SMARCA4: variants seen among roughly 807,000 people sequenced by gnomAD.
SMARCA4 encodes SWI/SNF-related matrix-associated actin-dependent regulator of chromatin subfamily A member 4.
Under a neutral mutation model 193.9 loss-of-function variants are expected in SMARCA4, and 31 were observed. The observed-to-expected ratio is 0.16, with a 90% CI of 0.12 to 0.22. SMARCA4 has a LOEUF of 0.22. Among genes scored for constraint, SMARCA4 ranks in the 10% least tolerant of loss-of-function variants. The pLI is 1.00. For missense variants in SMARCA4, 1,148 were observed against 2,296.0 expected (o/e 0.50, Z 10.22); for synonymous variants, 942 against 933.1 (o/e 1.01, Z -0.17).
At chr19:11,051,464 C>T (rs929491829) in intron 30 of SMARCA4, among the ~76,000 whole-genome samples, 8 of 150,938 alleles carry the variant, frequency 5.3e-5, no homozygotes, top group African/African-American at 1.5e-4. Context: ...CGCAGTCGTC[C>T]GAGGGAACAC....
Position 11,058,704 on chromosome 19 carries a change from CG to C in SMARCA4, c.4534-83del. The stretch of plus-strand genomic sequence containing the variant: ...CTCATAGGCACGAGGAATCCTAGCC[CG>C]TGGGGTCTCCAGCACACAGCCAGGC... On this transcript the variant is annotated intron_variant, in intron 31 of 34. Transcript: ENST00000344626. This position sits in a 1 kb window ranked among gnomAD's most constrained non-coding sequence, Gnocchi z 5.8. The C allele has an allele frequency of 8.5e-7, 1 of 1,170,058 alleles. No individual in the cohort carries two copies. The highest frequency in any genetic ancestry group is 1.3e-6 in the Non-Finnish European group (1 of 781,720). The allele number at this position is 1,170,058 out of a possible 1,614,324, so 72.5% of individuals were successfully genotyped here.
chr19:11,023,429 C>T, intron 19 of SMARCA4, 89 bp from the exon 20 acceptor site: 1 of 852,336 alleles, frequency 1.2e-6, no homozygotes, highest in South Asian at 1.4e-5. Flanking sequence ...ACCCCGTCCA[C>T]CCTGTCCCCA....
chr19:11,009,467 T>C (rs1006703340), intron 14 of SMARCA4, among the ~76,000 whole-genome samples: 1 of 152,192 alleles, frequency 6.6e-6, no homozygotes, highest in Admixed American at 6.5e-5. Flanking sequence ...GGTTCTATGA[T>C]GATCAGCATC....
chr19:11,033,077 G>A lies in SMARCA4; in HGVS notation c.3547-213G>A. 1.6e-6 allele frequency: 1 copy of A among 638,370 alleles called. No homozygotes were observed. Among genetic ancestry groups the A allele is most frequent in the Non-Finnish European group, 2.9e-6 (1 of 350,620 alleles). 39.5% of individuals were successfully genotyped at this position (638,370 alleles called of 1,614,324 possible). On this transcript the variant is annotated intron_variant, in intron 25 of 34. Transcript: ENST00000344626. The surrounding 1 kb of genome is among the most constrained non-coding windows in gnomAD (Gnocchi z 9.8). ...CAATAAGGTAGAAGGTGGCACTTCT[G>A]GAGGAACGTGATGAGAGTCCCCTTC...
At chr19:10,963,973 A>G (rs1335894230) in intron 1 of SMARCA4, among the ~76,000 whole-genome samples, 7 of 152,282 alleles carry the variant, frequency 4.6e-5, no homozygotes, top group African/African-American at 1.7e-4. Flanking sequence ...TAGTTAGGAA[A>G]GTAATAAATG....
intron 29 of SMARCA4, chr19:11,039,721 G>A: frequency 2.5e-6 from 1 of 399,056 alleles, no homozygotes; most frequent in Non-Finnish European, 4.4e-6. Context: ...GGCTAAGATG[G>A]GAAGATCACT....
At chr19:10,977,218 C>A (rs988699883) in intron 1 of SMARCA4, among the ~76,000 whole-genome samples, 3 of 152,206 alleles carry the variant, frequency 2.0e-5, no homozygotes, top group African/African-American at 7.2e-5. Context: ...TGATGCGCGC[C>A]CAAGAGGGGA....
rs963947321 is a variant in SMARCA4, at chr19:10,986,030, C to G, written c.356-159C>G. On this transcript the variant is annotated intron_variant, in intron 3 of 34. Coordinates refer to ENST00000344626, the MANE Select transcript of SMARCA4 (RefSeq NM_003072.5). The surrounding 1 kb of genome is among the most constrained non-coding windows in gnomAD (Gnocchi z 6.7). ...CCAGGTCGGCTGCTGGGCTGAGGTG[C>G]CTTCAGCATGTGCCCTCCAGGTGCC... Among the ~76,000 whole-genome samples, 2 of 152,216 alleles carry G rather than the reference C, an allele frequency of 1.3e-5. No homozygotes were observed. The highest frequency in any genetic ancestry group is 4.8e-5 in the African/African-American group (2 of 41,462).
At chr19:11,006,130 T>C (rs1259775553) in intron 13 of SMARCA4, among the ~76,000 whole-genome samples, 1 of 152,264 alleles carries the variant, frequency 6.6e-6, no homozygotes, top group African/African-American at 2.4e-5. Flanking sequence ...TTGCAGATCA[T>C]ATTTTTAAAG....
chr19:11,017,630 C>T lies in SMARCA4; in HGVS notation c.2439-1327C>T, dbSNP rs373087488. ...CCTCAGTCCCCTCCTGACCCTTGCT[C>T]CTGGCTCTTCTCCCTCCCAGTGCAG... is the stretch of plus-strand genomic sequence containing the variant. On this transcript the variant is annotated intron_variant, in intron 16 of 34. Coordinates refer to ENST00000344626, the MANE Select transcript of SMARCA4 (RefSeq NM_003072.5). 6.6e-5 allele frequency among the ~76,000 whole-genome samples: 10 copies of T among 152,260 alleles called. 1 individual carries two copies. The East Asian group carries it at 1.3e-3, about 21-fold the overall frequency.
In SMARCA4 at chr19:10,989,353, T is replaced by G. The variant is rs201099398; in HGVS notation, c.1155T>G (p.Leu385=). Reference sequence around the variant, plus strand: ...GCATCGCACACCGAATTCAGGAACTTGAAAACCTTCCCGGGTCCCTGGCCG... The same window carrying G: ...GCATCGCACACCGAATTCAGGAACTGGAAAACCTTCCCGGGTCCCTGGCCG... ...QARIAHRIQE[L]ENLPGSLAGD... is the part of the protein sequence containing the mutation. The change falls in exon 7 of 35, where the codon CTT becomes CTG. Residue 385 remains leucine, a synonymous_variant. Transcript: ENST00000344626. 1.2e-5 allele frequency: 19 copies of G among 1,614,142 alleles called. 1 individual carries two copies. In the Admixed American group the frequency reaches 3.0e-4, roughly 25 times the overall value.
chr19:11,019,093 A>C lies in SMARCA4; in HGVS notation c.2505+70A>C, dbSNP rs1287641462. On this transcript the variant is annotated intron_variant, in intron 17 of 34. Transcript: ENST00000344626. This position sits in a 1 kb window ranked among gnomAD's most constrained non-coding sequence, Gnocchi z 6.1. ...AGGCGGTGGTGGGCAGGACGTCCAC[A>C]CATACCTCTGGACAGTGAACCTGAG... 1 of 1,156,970 alleles carries C rather than the reference A, an allele frequency of 8.6e-7. No individual in the cohort carries two copies. Among genetic ancestry groups the C allele is most frequent in the Non-Finnish European group, 1.3e-6 (1 of 763,374 alleles). 71.7% of individuals were successfully genotyped at this position (1,156,970 alleles called of 1,614,324 possible). A position where few individuals can be genotyped will look rare whatever the true frequency, so the allele number is the denominator to read the frequency against.
At position 11,053,541 on chromosome 19, in the gene SMARCA4, G is replaced by A. The variant is rs549287963; in HGVS notation, c.4425-4714G>A. 9.2e-5 allele frequency among the ~76,000 whole-genome samples: 14 copies of A among 152,140 alleles called. 1 individual carries two copies. Among genetic ancestry groups the A allele is most frequent in the South Asian group, 8.3e-4 (4 of 4,830 alleles). ...GCAGCCAAAGCCCACCGATTTCTGC[G>A]TTGTCTGTGGTTCCCTTCATGGAAC... On this transcript the variant is annotated intron_variant, in intron 30 of 34. Coordinates refer to ENST00000344626, the MANE Select transcript of SMARCA4 (RefSeq NM_003072.5).
chr19:10,984,434 C>T lies in SMARCA4; in HGVS notation c.222+61C>T, dbSNP rs2085833537. ...TCTGCCCACTAGGGCTGCAGGCAGCCTCTGGACCGAGGGCCTTACTTGGAG... is the reference window on the plus strand; with the variant it reads ...TCTGCCCACTAGGGCTGCAGGCAGCTTCTGGACCGAGGGCCTTACTTGGAG... On this transcript the variant is annotated intron_variant, in intron 2 of 34. Coordinates refer to ENST00000344626, the MANE Select transcript of SMARCA4 (RefSeq NM_003072.5). The surrounding 1 kb of genome is among the most constrained non-coding windows in gnomAD (Gnocchi z 4.3). 6.5e-7 allele frequency: 1 copy of T among 1,549,792 alleles called. No homozygotes were observed. The highest frequency in any genetic ancestry group is 8.7e-7 in the Non-Finnish European group (1 of 1,147,038).
Position 10,987,920 on chromosome 19 carries a change from T to A in SMARCA4, c.1114T>A (p.Tyr372Asn), listed in dbSNP as rs140192268. ...TGTGGAGATCCTGCAGGAGCGCGAG[T>A]ACAGGTGAGGGCGGGGCCCAGTTGC... ...DPVEILQERE[Y>N]RLQARIAHRI... The change falls in exon 6 of 35, where the codon TAC (tyrosine) becomes AAC (asparagine). Residue 372 changes from tyrosine (Y) to asparagine (N), a missense_variant. Around this residue, in one of 17 missense-constraint regions of SMARCA4, gnomAD observed 257 missense variants for 276.5 expected, o/e 0.93. Coordinates refer to ENST00000344626, the MANE Select transcript of SMARCA4 (RefSeq NM_003072.5). This position sits in a 1 kb window ranked among gnomAD's most constrained non-coding sequence, Gnocchi z 5.3. The A allele has an allele frequency of 3.7e-6, 6 of 1,612,462 alleles. No homozygotes were observed. Among genetic ancestry groups the A allele is most frequent in the Non-Finnish European group, 5.1e-6 (6 of 1,179,914 alleles).
In SMARCA4 at chr19:11,019,265, C is replaced by T; in HGVS notation, c.2505+242C>T. The T allele has an allele frequency of 1.6e-6, 1 of 621,064 alleles. No individual in the cohort carries two copies. The highest frequency in any genetic ancestry group is 1.9e-5 in the South Asian group (1 of 53,748). The allele number at this position is 621,064 out of a possible 1,614,324, so 38.5% of individuals were successfully genotyped here. On this transcript the variant is annotated intron_variant, in intron 17 of 34. Transcript: ENST00000344626. The surrounding 1 kb of genome is among the most constrained non-coding windows in gnomAD (Gnocchi z 6.1). Reference sequence around the variant, plus strand: ...GAGCATGGTGGCCAGCACTCAGAGGCCAGCTCAGGCGCCTGAGATGGGGAC... The same window carrying T: ...GAGCATGGTGGCCAGCACTCAGAGGTCAGCTCAGGCGCCTGAGATGGGGAC...
At chr19:10,975,224 C>T (rs1056106400) in intron 1 of SMARCA4, among the ~76,000 whole-genome samples, 2 of 151,354 alleles carry the variant, frequency 1.3e-5, no homozygotes, top group Non-Finnish European at 2.9e-5. Flanking sequence ...GCTATGTTGG[C>T]CAGGCTGGTC....
chr19:11,012,897 C>T (rs2088989675), intron 15 of SMARCA4, 52 bp from the exon 16 acceptor site: 3 of 1,589,232 alleles, frequency 1.9e-6, no homozygotes, highest in Non-Finnish European at 2.6e-6. Context: ...GGAGGACCCT[C>T]TGGTGTCCGA....
rs1384070535 is a variant in SMARCA4, at chr19:11,041,357, G to A, written c.4221G>A (p.Lys1407=). 1.9e-6 allele frequency: 3 copies of A among 1,612,644 alleles called. No individual in the cohort carries two copies. The highest frequency in any genetic ancestry group is 2.5e-6 in the Non-Finnish European group (3 of 1,180,008). The change falls in exon 30 of 35, where the codon AAG becomes AAA. Residue 1407 remains lysine, a synonymous_variant. Transcript: ENST00000344626. The surrounding 1 kb of genome is among the most constrained non-coding windows in gnomAD (Gnocchi z 5.6). ...AGATCGAAGAGGAGGTCCGGCAGAA[G>A]AAATCATCACGGAAGCGCAAGCGAG... ...LEEIEEEVRQ[K]KSSRKRKRDS...
Sources: allele counts gnomAD v4.1 joint callset (sites outside exome capture counted in the v4.1 genomes callset), GRCh38; gene constraint gnomAD v4.1.1; regional missense constraint gnomAD v4.1.1; non-coding constraint Gnocchi (gnomAD v3.1); transcripts MANE v1.5; gene names NCBI Gene and HGNC (gene_info 2026-07-23, HGNC 2026-07-21).